The following BRAF variants were observed in gnomAD, a reference collection of about 807,000 sequenced individuals.
BRAF encodes B-Raf proto-oncogene, serine/threonine kinase, also known as serine/threonine-protein kinase B-raf.
In BRAF, 16 loss-of-function variants were observed where a neutral mutation model predicts 104.6. The ratio of observed to expected loss-of-function variants is 0.15; its 90% CI spans 0.10 to 0.23. The LOEUF is 0.23. Ranked by LOEUF, BRAF falls within the 10% of genes least tolerant of loss-of-function variation. The pLI, the probability that BRAF is intolerant of heterozygous loss-of-function variation, is 1.00. For synonymous variants in BRAF, 310 were observed against 341.6 expected (o/e 0.91, Z 1.02); for missense variants, 541 against 937.3 (o/e 0.58, Z 5.52).
At chr7:140,834,896 T>G (rs182742698) in intron 2 of BRAF, 24 bp from the exon 3 acceptor site, 6 of 1,613,518 alleles carry the variant, frequency 3.7e-6, no homozygotes, top group South Asian at 2.2e-5. Flanking sequence ...CAGACTTATA[T>G]TCAATCCGGA....
chr7:140,733,928 C>T, intron 19 of BRAF: 1 of 847,536 alleles, frequency 1.2e-6, no homozygotes, highest in Non-Finnish European at 1.4e-6. Flanking sequence ...TAACATTTTC[C>T]CGCTAAAAAT....
Position 140,800,447 on chromosome 7 carries a change from G to A in BRAF, c.895C>T (p.Pro299Ser). The A allele has an allele frequency of 6.2e-7, 1 of 1,614,098 alleles. No homozygotes were observed. The highest frequency in any genetic ancestry group is 8.5e-7 in the Non-Finnish European group (1 of 1,180,026). ...AAGGACGCCTCTTCCTGTGGTATTG[G>A]GTGGTGTTCAAAGAACTTGGAGACA... ...LFVSKFFEHH[P>S]IPQEEASLAE... The change falls in exon 7 of 20, where the codon CCA (proline) becomes TCA (serine). Residue 299 changes from proline (P) to serine (S), a missense_variant. Physicochemically the swap from Pro to Ser is moderately conservative, Grantham distance 74. Around this residue, in one of 10 missense-constraint regions of BRAF, gnomAD observed 79 missense variants for 74.6 expected, o/e 1.06. Coordinates refer to ENST00000644969, the MANE Select transcript of BRAF (RefSeq NM_001374258.1).
At chr7:140,869,157 T>C (rs999521601) in intron 1 of BRAF, among the ~76,000 whole-genome samples, 1 of 152,142 alleles carries the variant, frequency 6.6e-6, no homozygotes, top group Non-Finnish European at 1.5e-5. Context: ...AGAGTGGAGA[T>C]GTAAAACAGG....
chr7:140,719,370 G>C lies in BRAF; in HGVS notation c.*7124C>G, dbSNP rs539626594. The C allele has an allele frequency of 2.4e-5, 24 of 1,000,166 alleles. No individual in the cohort carries two copies. Among genetic ancestry groups the C allele is most frequent in the Admixed American group, 5.8e-5 (1 of 17,168 alleles). The allele number at this position is 1,000,166 out of a possible 1,614,324, so 62.0% of individuals were successfully genotyped here. ...GTCAATCTTTATTATAGCAGTATTC[G>C]CATATTCACATCAAGTACATAGAAC... On this transcript the variant is annotated 3_prime_UTR_variant, in exon 20 of 20. Coordinates refer to ENST00000644969, the MANE Select transcript of BRAF (RefSeq NM_001374258.1).
At chr7:140,886,261 CTT>C (rs1422844143) in intron 1 of BRAF, among the ~76,000 whole-genome samples, 3 of 152,190 alleles carry the variant, frequency 2.0e-5, no homozygotes, top group Non-Finnish European at 4.4e-5. Context: ...TGACCTACTA[CTT>C]ACAAAGGCAT....
chr7:140,799,226 T>C (rs561028936), intron 7 of BRAF: 14 of 228,272 alleles, frequency 6.1e-5, no homozygotes, highest in Non-Finnish European at 9.6e-5. Context: ...TTTTTTTCTT[T>C]TACGCTTTAT....
At chr7:140,899,479 T>A (rs1003133622) in intron 1 of BRAF, among the ~76,000 whole-genome samples, 2 of 152,198 alleles carry the variant, frequency 1.3e-5, no homozygotes, top group Admixed American at 1.3e-4. Flanking sequence ...TGGAAGACAG[T>A]TCAGACTGCT....
At chr7:140,914,276 G>A (rs948345346) in intron 1 of BRAF, among the ~76,000 whole-genome samples, 7 of 152,148 alleles carry the variant, frequency 4.6e-5, no homozygotes, top group Admixed American at 2.6e-4. Context: ...CCATAAGGAG[G>A]GGGAGGAGGA....
chr7:140,809,724 CT>C (rs1804028817), intron 3 of BRAF, among the ~76,000 whole-genome samples: 3 of 152,250 alleles, frequency 2.0e-5, no homozygotes, highest in Non-Finnish European at 4.4e-5. Context: ...TACTGTAGTT[CT>C]GTAGATTTGC....
chr7:140,804,448 T>C (rs1194811568), intron 5 of BRAF, among the ~76,000 whole-genome samples: 1 of 151,876 alleles, frequency 6.6e-6, no homozygotes, highest in African/African-American at 2.4e-5. Context: ...ATTGTAATTA[T>C]ACAATTTCCA....
At chr7:140,767,487 G>A (rs1799446344) in intron 14 of BRAF, among the ~76,000 whole-genome samples, 1 of 152,098 alleles carries the variant, frequency 6.6e-6, no homozygotes, top group Admixed American at 6.6e-5. Context: ...GCAGGCAGGT[G>A]GGTAGATGTC....
chr7:140,772,268 TAACTACAAC>T (rs748911220), intron 14 of BRAF, among the ~76,000 whole-genome samples: 5 of 103,450 alleles, frequency 4.8e-5, no homozygotes, highest in Admixed American at 1.1e-4. Context: ...ACAGATTGTT[TAACTACAAC>T]AACAACAACA....
chr7:140,898,079 T>C (rs1332280517), intron 1 of BRAF, among the ~76,000 whole-genome samples: 1 of 152,150 alleles, frequency 6.6e-6, no homozygotes, highest in Non-Finnish European at 1.5e-5. Flanking sequence ...TGGTGTGCAT[T>C]TGTCCCAGTT....
Position 140,924,572 on chromosome 7 carries a change from C to A in BRAF, c.132G>T (p.Pro44=), listed in dbSNP as rs889134706. Residue 44 remains proline, a synonymous_variant, in exon 1 of 20, where the codon CCG becomes CCT. Coordinates refer to ENST00000644969, the MANE Select transcript of BRAF (RefSeq NM_001374258.1). This position sits in a 1 kb window ranked among gnomAD's most constrained non-coding sequence, Gnocchi z 4.2. ...GGGTGGCGCCAGCACTCACCTCCTC[C>A]GGAATGGCAGGGTCCGCAGCCGAAG... ...AASSAADPAI[P]EEVWNIKQMI... 2 of 1,531,200 alleles carry A rather than the reference C, an allele frequency of 1.3e-6. No homozygotes were observed. The highest frequency in any genetic ancestry group is 2.5e-5 in the East Asian group (1 of 40,752). The allele number at this position is 1,531,200 out of a possible 1,614,324, so 94.9% of individuals were successfully genotyped here.
At chr7:140,777,145 A>G (rs2129018747) in intron 13 of BRAF, 57 bp from the exon 13 acceptor site, 1 of 1,565,718 alleles carries the variant, frequency 6.4e-7, no homozygotes, top group Non-Finnish European at 8.8e-7. Context: ...AGCAATTCTT[A>G]CAAAAGAGAA....
intron 8 of BRAF, among the ~76,000 whole-genome samples, chr7:140,792,643 C>T (rs1194248693): frequency 6.6e-6 from 1 of 152,158 alleles, no homozygotes; most frequent in Non-Finnish European, 1.5e-5. Context: ...GAGTTTATTA[C>T]CCCCTTCTCT....
In BRAF at chr7:140,914,913, G is replaced by A. The variant is rs1364556837; in HGVS notation, c.138+9653C>T. 3.7e-5 allele frequency among the ~76,000 whole-genome samples: 5 copies of A among 136,274 alleles called. No individual in the cohort carries two copies. In the East Asian group the frequency reaches 7.0e-4, roughly 19 times the overall value. The allele number at this position is 136,274 out of a possible 152,430, so 89.4% of individuals were successfully genotyped here. ...AAATTAGCCGGGCATGGTGGCATGCGCCTGTAGTGCCAGCTACTCTGGAGG... is the reference window on the plus strand; with the variant it reads ...AAATTAGCCGGGCATGGTGGCATGCACCTGTAGTGCCAGCTACTCTGGAGG... On this transcript the variant is annotated intron_variant, in intron 1 of 19. Coordinates refer to ENST00000644969, the MANE Select transcript of BRAF (RefSeq NM_001374258.1).
chr7:140,877,299 G>T (rs879320807), intron 1 of BRAF, among the ~76,000 whole-genome samples: 1 of 109,878 alleles, frequency 9.1e-6, no homozygotes, highest in Non-Finnish European at 1.8e-5. Flanking sequence ...GAGATGGGGG[G>T]GGGGGTGGGT....
At chr7:140,892,791 T>G (rs775366886) in intron 1 of BRAF, among the ~76,000 whole-genome samples, 5 of 152,124 alleles carry the variant, frequency 3.3e-5, no homozygotes, top group African/African-American at 4.8e-5. Context: ...CACCCCTAAA[T>G]GATCCAGGGA....
Sources: gnomAD v4.1 joint callset for allele counts (sites outside exome capture counted in the v4.1 genomes callset) on GRCh38, gnomAD v4.1.1 for gene constraint, gnomAD v4.1.1 regional missense constraint, Gnocchi (gnomAD v3.1) non-coding constraint, MANE v1.5 for transcripts, NCBI Gene and HGNC (gene_info 2026-07-23, HGNC 2026-07-21) for gene names.